The following DNAH5 variants were observed in gnomAD, a reference collection of about 807,000 sequenced individuals.
DNAH5 encodes dynein axonemal heavy chain 5.
Under a neutral mutation model 518.2 loss-of-function variants are expected in DNAH5, and 372 were observed. That is an observed-to-expected ratio of 0.72 (90% CI 0.66 to 0.78). DNAH5 has a LOEUF of 0.78. DNAH5 is among the 30% of genes least tolerant of loss of function. DNAH5 has a pLI of 0.00. For missense variants in DNAH5, 5,523 were observed against 5,687.0 expected, an observed-to-expected ratio of 0.97 and a Z score of 0.93; for synonymous variants, 2,039 against 2,025.9, an observed-to-expected ratio of 1.01 and a Z score of -0.17.
chr5:13,920,383 G>A lies in DNAH5; in HGVS notation c.798+97C>T, dbSNP rs1429746657. On this transcript the variant is annotated intron_variant, in intron 6 of 78. Transcript: ENST00000265104. ...CCTCCTCAAGGATTTACAGTAAAAC[G>A]CTTAACAAATGGAATGTCGTATGTC... 1.8e-5 allele frequency: 27 copies of A among 1,524,720 alleles called. 1 individual carries two copies. In the South Asian group the frequency reaches 1.9e-4, roughly 11 times the overall value. 94.4% of individuals were successfully genotyped at this position (1,524,720 alleles called of 1,614,324 possible).
intron 1 of DNAH5, among the ~76,000 whole-genome samples, chr5:14,001,105 C>T (rs559929913): frequency 3.3e-4 from 50 of 152,126 alleles, no homozygotes; most frequent in South Asian, 8.3e-4. Flanking sequence ...TACACATGAA[C>T]GTAGAGATGG....
At chr5:13,736,071 A>C in intron 66 of DNAH5, 139 bp from the exon 67 acceptor site, 1 of 686,452 alleles carries the variant, frequency 1.5e-6, no homozygotes, top group South Asian at 1.6e-5. Context: ...CGGGATACAA[A>C]GCGATATTCA....
chr5:13,830,605 A>G lies in DNAH5; in HGVS notation c.6053T>C (p.Ile2018Thr), dbSNP rs117989731. 133 of 1,614,194 alleles carry G rather than the reference A, an allele frequency of 8.2e-5. 1 individual carries two copies. In the East Asian group the frequency reaches 2.9e-3, roughly 35 times the overall value. Residue 2018 changes from isoleucine to threonine, a missense_variant, in exon 36 of 79, where the codon ATT becomes ACT. Physicochemically the swap from Ile to Thr is moderately conservative, Grantham distance 89. Transcript: ENST00000265104. The stretch of plus-strand genomic sequence containing the variant: ...AAAAATATAACCCATACCCTTAAAA[A>G]TCCGTCCAAGTCCTCGGAAATCCAT... ...DQMDFRGLGR[I>T]FKGLAQSGSW...
chr5:13,949,545 C>A (rs1780208828), upstream of DNAH5, among the ~76,000 whole-genome samples: 1 of 152,138 alleles, frequency 6.6e-6, no homozygotes, highest in Non-Finnish European at 1.5e-5. Context: ...GGAGACTCAT[C>A]TGTCAAAATT....
chr5:13,995,282 C>A (rs1047704351), intron 1 of DNAH5, among the ~76,000 whole-genome samples: 3 of 152,148 alleles, frequency 2.0e-5, no homozygotes, highest in African/African-American at 7.2e-5. Flanking sequence ...ACAGACAATG[C>A]CCTGATGTCC....
intron 25 of DNAH5, among the ~76,000 whole-genome samples, chr5:13,867,540 A>G (rs1368671582): frequency 6.6e-6 from 1 of 152,154 alleles, no homozygotes; most frequent in Non-Finnish European, 1.5e-5. Context: ...TCTCCTTTCT[A>G]AATTACCCAG....
At chr5:13,823,001 G>A (rs891981312) in intron 40 of DNAH5, among the ~76,000 whole-genome samples, 16 of 152,212 alleles carry the variant, frequency 1.1e-4, no homozygotes, top group African/African-American at 3.4e-4. Flanking sequence ...TTCTGCATCT[G>A]CTATGGAATG....
chr5:13,713,079 A>G (rs1743718129), intron 75 of DNAH5, among the ~76,000 whole-genome samples: 1 of 149,066 alleles, frequency 6.7e-6, no homozygotes, highest in Non-Finnish European at 1.5e-5. Flanking sequence ...CAATTAACGA[A>G]TGTATAAAGA....
chr5:13,821,770 T>C (rs1762271188), intron 40 of DNAH5, among the ~76,000 whole-genome samples: 1 of 152,202 alleles, frequency 6.6e-6, no homozygotes, highest in African/African-American at 2.4e-5. Flanking sequence ...TCATATCAAC[T>C]ACTTAATGCT....
chr5:13,731,550 C>A (rs1746560434), intron 68 of DNAH5, among the ~76,000 whole-genome samples: 1 of 152,052 alleles, frequency 6.6e-6, no homozygotes, highest in South Asian at 2.1e-4. Flanking sequence ...AATGTGGTAA[C>A]AAATTAAATA....
chr5:13,927,260 G>A (rs896486317), intron 3 of DNAH5, among the ~76,000 whole-genome samples: 3 of 152,278 alleles, frequency 2.0e-5, no homozygotes, highest in South Asian at 4.1e-4. Flanking sequence ...TTGGGAGGCC[G>A]AGGTGGGTGG....
intron 1 of DNAH5, among the ~76,000 whole-genome samples, chr5:13,979,558 CA>C (rs1230821638): frequency 6.6e-6 from 1 of 152,180 alleles, no homozygotes; most frequent in African/African-American, 2.4e-5. Context: ...CCACCAGCCC[CA>C]GCAGCTCCCT....
chr5:13,710,765 G>C (rs1393276239), intron 75 of DNAH5, among the ~76,000 whole-genome samples: 1 of 152,118 alleles, frequency 6.6e-6, no homozygotes, highest in Non-Finnish European at 1.5e-5. Context: ...AGAACACCTA[G>C]AAGAGATAGG....
chr5:13,852,969 T>C lies in DNAH5; in HGVS notation c.4951-2154A>G, dbSNP rs563873804. Among the ~76,000 whole-genome samples the C allele has an allele frequency of 6.6e-5, 10 of 152,350 alleles. No individual in the cohort carries two copies. In the East Asian group the frequency reaches 1.7e-3, roughly 26 times the overall value. ...GTCAGAAGACTTAAACATTCCTGCC[T>C]GCCAGCTCTGAAGAGAGCAGCAGAT... On this transcript the variant is annotated intron_variant, in intron 30 of 78. Coordinates refer to ENST00000265104, the MANE Select transcript of DNAH5 (RefSeq NM_001369.3).
At chr5:13,815,568 C>G (rs917283581) in intron 42 of DNAH5, among the ~76,000 whole-genome samples, 5 of 152,166 alleles carry the variant, frequency 3.3e-5, no homozygotes, top group African/African-American at 1.2e-4. Context: ...TCTCAGACTT[C>G]CAGCCTCTGG....
At chr5:14,004,273 C>T (rs188191906) in intron 1 of DNAH5, among the ~76,000 whole-genome samples, 157 of 152,236 alleles carry the variant, frequency 1.0e-3, no homozygotes, top group Non-Finnish European at 1.8e-4. Context: ...AATATCAGGC[C>T]ACATGGAGAG....
At chr5:13,775,523 TAGATAGAC>T (rs1417242613) in intron 55 of DNAH5, among the ~76,000 whole-genome samples, 1 of 151,850 alleles carries the variant, frequency 6.6e-6, no homozygotes, top group African/African-American at 2.4e-5. Flanking sequence ...TACAGATAGA[TAGATAGAC>T]AGACAGACAG....
Position 13,707,743 on chromosome 5 carries a change from A to G in DNAH5, c.13338+380T>C, listed in dbSNP as rs1179192797. Among the ~76,000 whole-genome samples, 1 of 151,958 alleles carries G rather than the reference A, an allele frequency of 6.6e-6. No individual in the cohort carries two copies. Among genetic ancestry groups the G allele is most frequent in the African/African-American group, 2.4e-5 (1 of 41,356 alleles). On this transcript the variant is annotated intron_variant, in intron 76 of 78. Coordinates refer to ENST00000265104, the MANE Select transcript of DNAH5 (RefSeq NM_001369.3). The surrounding 1 kb of genome is among the most constrained non-coding windows in gnomAD (Gnocchi z 4.0). ...GTTAGGGTGAGGCATGTTTCCTTCT[A>G]TGAAACCAACATCATGGACTTTGGA...
chr5:13,984,817 T>C (rs1282384682), intron 1 of DNAH5, among the ~76,000 whole-genome samples: 2 of 152,364 alleles, frequency 1.3e-5, no homozygotes, highest in African/African-American at 4.8e-5. Context: ...TTCTGTATTT[T>C]ACACTGTTGG....
Sources: gnomAD v4.1 joint callset for allele counts (sites outside exome capture counted in the v4.1 genomes callset) on GRCh38, gnomAD v4.1.1 for gene constraint, Gnocchi (gnomAD v3.1) non-coding constraint, MANE v1.5 for transcripts, NCBI Gene and HGNC (gene_info 2026-07-23, HGNC 2026-07-21) for gene names.